GALNT13: variants seen among roughly 807,000 people sequenced by gnomAD.
The protein encoded by GALNT13 is polypeptide N-acetylgalactosaminyltransferase 13.
In GALNT13, 28 loss-of-function variants were observed where a neutral mutation model predicts 64.2. The ratio of observed to expected loss-of-function variants is 0.44; its 90% confidence interval spans 0.32 to 0.60. The LOEUF is 0.60. Among genes scored for constraint, GALNT13 ranks in the 20% least tolerant of loss-of-function variants. GALNT13 has a pLI of 0.05. For synonymous variants in GALNT13, 214 were observed against 224.6 expected (o/e 0.95, Z 0.42); for missense variants, 577 against 669.8 (o/e 0.86, Z 1.53).
At chr2:154,237,785 G>GC (rs1326281863) in intron 4 of GALNT13, among the ~76,000 whole-genome samples, 4 of 151,510 alleles carry the variant, frequency 2.6e-5, no homozygotes, top group African/African-American at 9.7e-5. Flanking sequence ...TCTTTGTACT[G>GC]CATGTATTGA....
intron 7 of GALNT13, among the ~76,000 whole-genome samples, chr2:154,252,726 GAT>G (rs946345478): frequency 2.4e-4 from 3 of 12,474 alleles, no homozygotes; most frequent in African/African-American, 7.1e-4. Context: ...AATGGAAAAA[GAT>G]AGATAGATAG....
chr2:153,799,399 A>AATTGT, the GALNT13 span, among the ~76,000 whole-genome samples: 3 of 152,116 alleles, frequency 2.0e-5, no homozygotes, highest in Non-Finnish European at 4.4e-5. Flanking sequence ...AGTTACTAGA[A>AATTGT]ATTGTATTCA....
chr2:153,345,791 T>C, the GALNT13 span, among the ~76,000 whole-genome samples: 1 of 147,038 alleles, frequency 6.8e-6, no homozygotes. Flanking sequence ...CTTTCTCTCT[T>C]TCTTTCTCTC....
chr2:153,401,501 G>C, the GALNT13 span, among the ~76,000 whole-genome samples: 1 of 148,558 alleles, frequency 6.7e-6, no homozygotes, highest in Non-Finnish European at 1.5e-5. Context: ...CTGTCTCGTT[G>C]ATCTGTCTAA....
chr2:154,352,484 T>C (rs941782903), intron 9 of GALNT13, among the ~76,000 whole-genome samples: 1 of 152,214 alleles, frequency 6.6e-6, no homozygotes, highest in Non-Finnish European at 1.5e-5. Flanking sequence ...CATTGTCACA[T>C]GTAAGGCTCA....
At chr2:153,834,650 A>G in the GALNT13 span, among the ~76,000 whole-genome samples, 1 of 152,302 alleles carries the variant, frequency 6.6e-6, no homozygotes, top group East Asian at 1.9e-4. Flanking sequence ...AAGAGTATCT[A>G]TGCTCAAAAC....
At chr2:153,806,631 G>C in the GALNT13 span, among the ~76,000 whole-genome samples, 1 of 150,940 alleles carries the variant, frequency 6.6e-6, no homozygotes, top group Non-Finnish European at 1.5e-5. Context: ...TGATGTCAAA[G>C]GGGTTGAACA....
At chr2:153,641,114 C>G in the GALNT13 span, among the ~76,000 whole-genome samples, 1 of 152,026 alleles carries the variant, frequency 6.6e-6, no homozygotes, top group African/African-American at 2.4e-5. Flanking sequence ...AGTAACTATT[C>G]CTTATGCACC....
At chr2:154,284,049 G>T (rs934302230) in intron 8 of GALNT13, among the ~76,000 whole-genome samples, 3 of 152,108 alleles carry the variant, frequency 2.0e-5, no homozygotes, top group Non-Finnish European at 2.9e-5. Context: ...TGTTAGATCT[G>T]TGTATACATT....
chr2:154,242,776 C>T lies in GALNT13; in HGVS notation c.557C>T (p.Ser186Phe). Residue 186 changes from serine to phenylalanine, a missense_variant, in exon 6 of 13, where the codon TCT becomes TTT. By Grantham distance (155) the Ser-to-Phe change is radical. Coordinates refer to ENST00000392825, the MANE Select transcript of GALNT13 (RefSeq NM_052917.4). ...AAAATTATTAGGATGGAAGAACGCT[C>T]TGGGTTAATACGTGCCCGTCTTCGA... ...PVKIIRMEER[S>F]GLIRARLRGA... 1 of 1,614,016 alleles carries T rather than the reference C, an allele frequency of 6.2e-7. No homozygotes were observed. Among genetic ancestry groups the T allele is most frequent in the Non-Finnish European group, 8.5e-7 (1 of 1,179,898 alleles).
chr2:153,616,281 T>C, the GALNT13 span, among the ~76,000 whole-genome samples: 1 of 151,986 alleles, frequency 6.6e-6, no homozygotes, highest in East Asian at 1.9e-4. Flanking sequence ...TTCTGTTCCA[T>C]TGGTTTATAT....
the GALNT13 span, among the ~76,000 whole-genome samples, chr2:153,204,367 G>T: frequency 1.3e-5 from 2 of 151,908 alleles, no homozygotes; most frequent in African/African-American, 4.8e-5. Flanking sequence ...ACAGAAGAAA[G>T]GCTTCTGTTT....
chr2:153,576,545 G>A, the GALNT13 span, among the ~76,000 whole-genome samples: 1 of 152,202 alleles, frequency 6.6e-6, no homozygotes, highest in African/African-American at 2.4e-5. Context: ...ACAGCACTGA[G>A]TTTAATGCCT....
At chr2:154,128,645 AGGCG>A (rs1389645802) in intron 3 of GALNT13, among the ~76,000 whole-genome samples, 4 of 152,132 alleles carry the variant, frequency 2.6e-5, no homozygotes. Flanking sequence ...TGATGGTAGG[AGGCG>A]GGTAGTGATT....
chr2:154,148,074 C>T (rs1432961600), intron 4 of GALNT13, among the ~76,000 whole-genome samples: 1 of 152,004 alleles, frequency 6.6e-6, no homozygotes, highest in African/African-American at 2.4e-5. Context: ...CACCCTCCAC[C>T]TTCCCCCCTC....
chr2:154,140,026 A>C (rs556320223), intron 3 of GALNT13, among the ~76,000 whole-genome samples: 1 of 152,102 alleles, frequency 6.6e-6, no homozygotes, highest in South Asian at 2.1e-4. Flanking sequence ...CCTAGTGTTC[A>C]ACTTCAGTTT....
At chr2:154,068,817 C>T (rs1490978405) in intron 3 of GALNT13, among the ~76,000 whole-genome samples, 7 of 151,962 alleles carry the variant, frequency 4.6e-5, no homozygotes. Flanking sequence ...GATAACACAA[C>T]AGGGTGACTA....
At chr2:154,218,733 A>G (rs113780023) in intron 4 of GALNT13, among the ~76,000 whole-genome samples, 2,978 of 152,120 alleles carry the variant, frequency 0.02, 85 homozygotes, top group African/African-American at 0.06. Context: ...AAGCTCCTCC[A>G]TAAGTTCCTC....
At chr2:153,457,980 C>T in the GALNT13 span, among the ~76,000 whole-genome samples, 4 of 152,152 alleles carry the variant, frequency 2.6e-5, no homozygotes, top group African/African-American at 4.8e-5. Flanking sequence ...TTAAAGCCCT[C>T]CTGATTTTAC....
Sources: allele counts gnomAD v4.1 joint callset (sites outside exome capture counted in the v4.1 genomes callset), GRCh38; gene constraint gnomAD v4.1.1; transcripts MANE v1.5; gene names NCBI Gene and HGNC (gene_info 2026-07-23, HGNC 2026-07-21).